MGA: variants seen among roughly 807,000 people sequenced by gnomAD.
The protein encoded by MGA is MAX gene-associated protein.
Under a neutral mutation model 261.1 loss-of-function variants are expected in MGA, and 40 were observed. The observed-to-expected ratio is 0.15, with a 90% confidence interval of 0.12 to 0.20. The LOEUF (loss-of-function observed/expected upper bound fraction) is 0.20, where lower values mean the gene tolerates loss of function less well. MGA is among the 10% of genes least tolerant of loss of function. The pLI is 1.00. For synonymous variants in MGA, 1,302 were observed against 1,290.6 expected (o/e 1.01, Z -0.19); for missense variants, 3,397 against 3,630.5 (o/e 0.94, Z 1.65).
chr15:41,703,726 A>G (rs1447582443), intron 5 of MGA, among the ~76,000 whole-genome samples: 1 of 152,132 alleles, frequency 6.6e-6, no homozygotes, highest in Non-Finnish European at 1.5e-5. Flanking sequence ...TGGGCAACAG[A>G]GCGAGACTGT....
At chr15:41,753,534 T>G (rs1256345039) in intron 17 of MGA, among the ~76,000 whole-genome samples, 1 of 152,316 alleles carries the variant, frequency 6.6e-6, no homozygotes, top group East Asian at 1.9e-4. Flanking sequence ...GTAAACACTT[T>G]GACTCCTTTT....
At chr15:41,731,871 C>T (rs1340062499) in intron 11 of MGA, among the ~76,000 whole-genome samples, 1 of 152,158 alleles carries the variant, frequency 6.6e-6, no homozygotes, top group East Asian at 1.9e-4. Flanking sequence ...GGTTTCTTGT[C>T]TTACTGCCAC....
At chr15:41,751,273 A>T (rs543052902) in intron 17 of MGA, 1 of 152,262 alleles carries the variant, frequency 6.6e-6, no homozygotes, top group African/African-American at 2.4e-5. Context: ...TTAAATAAGT[A>T]ACTGTCAGGT....
intron 1 of MGA, among the ~76,000 whole-genome samples, chr15:41,654,214 C>T (rs2057122091): frequency 1.3e-5 from 2 of 151,990 alleles, no homozygotes; most frequent in Non-Finnish European, 2.9e-5. Context: ...GGCTGCTGTA[C>T]GGCTGATCAG....
At chr15:41,691,055 G>T (rs2059258942) in intron 2 of MGA, among the ~76,000 whole-genome samples, 1 of 78,252 alleles carries the variant, frequency 1.3e-5, no homozygotes, top group African/African-American at 5.1e-5. Context: ...GGGTCAGTTT[G>T]TCCCTTTCTG....
Position 41,768,633 on chromosome 15 carries a change from T to C in MGA, c.*1353T>C, listed in dbSNP as rs1219262395. ...TAATTATATTTTGGAATGTAACCCC[T>C]GTTCTGTCTTCATTGACAGGATTTG... On this transcript the variant is annotated 3_prime_UTR_variant, in exon 24 of 24. Coordinates refer to ENST00000219905, the MANE Select transcript of MGA (RefSeq NM_001164273.2). 1 of 152,644 alleles carries C rather than the reference T, an allele frequency of 6.6e-6. No individual in the cohort carries two copies. The highest frequency in any genetic ancestry group is 1.5e-5 in the Non-Finnish European group (1 of 68,034). The allele number at this position is 152,644 out of a possible 1,614,324, so 9.5% of individuals were successfully genotyped here.
At position 41,726,278 on chromosome 15, in the gene MGA, C is replaced by T. The variant is rs545768195; in HGVS notation, c.3431-902C>T. Among the ~76,000 whole-genome samples the T allele has an allele frequency of 2.0e-5, 3 of 152,294 alleles. No homozygotes were observed. The South Asian group carries it at 6.2e-4, about 32-fold the overall frequency. On this transcript the variant is annotated intron_variant, in intron 9 of 23. Transcript: ENST00000219905. ...CTGGTTGGACATCCCTGCACCTCAG[C>T]TTCTGTACCATGGGAATGATACCTA...
At chr15:41,763,668 G>T (rs566526929) in intron 22 of MGA, among the ~76,000 whole-genome samples, 3 of 151,766 alleles carry the variant, frequency 2.0e-5, no homozygotes, top group Non-Finnish European at 4.4e-5. Context: ...ACTTTAACCC[G>T]GAAGGTGGAA....
chr15:41,645,517 G>T (rs1239800023), intron 1 of MGA, among the ~76,000 whole-genome samples: 1 of 152,224 alleles, frequency 6.6e-6, no homozygotes, highest in Non-Finnish European at 1.5e-5. Context: ...CTGGGAGGTG[G>T]AGGTTGCAGT....
chr15:41,631,883 TG>T (rs1165936448), intron 1 of MGA, among the ~76,000 whole-genome samples: 6 of 152,198 alleles, frequency 3.9e-5, no homozygotes, highest in Non-Finnish European at 8.8e-5. Context: ...TATGCTTCTA[TG>T]TTTCTTTTTT....
chr15:41,742,998 G>T lies in MGA; in HGVS notation c.5038G>T (p.Val1680Leu), dbSNP rs963370391. 4 of 1,613,820 alleles carry T rather than the reference G, an allele frequency of 2.5e-6. No homozygotes were observed. Among genetic ancestry groups the T allele is most frequent in the Non-Finnish European group, 3.4e-6 (4 of 1,179,898 alleles). ...TTCAGTTGCTTTTCCTAAGTCTTTG[G>T]TAGCATCTCCTTCAACCATAACTCT... Residue 1680 changes from valine (V) to leucine (L), a missense_variant, in exon 15 of 24, where the codon GTA becomes TTA. Physicochemically the swap from Val to Leu is conservative, Grantham distance 32. This residue lies in a region of MGA where 1,410 missense variants were observed against 1,386.4 expected (regional missense o/e 1.02). Coordinates refer to ENST00000219905, the MANE Select transcript of MGA (RefSeq NM_001164273.2).
chr15:41,728,360 G>A (rs1364445517), intron 10 of MGA, among the ~76,000 whole-genome samples: 1 of 151,954 alleles, frequency 6.6e-6, no homozygotes, highest in Non-Finnish European at 1.5e-5. Context: ...CCTGAAAAAG[G>A]CAAGGGTTAG....
In MGA at chr15:41,707,857, C is replaced by T; in HGVS notation, c.2318C>T (p.Pro773Leu). The change falls in exon 6 of 24, where the codon CCT becomes CTT. Residue 773 changes from proline (P) to leucine (L), a missense_variant and splice_region_variant. Coordinates refer to ENST00000219905, the MANE Select transcript of MGA (RefSeq NM_001164273.2). ...CTTACAGGAACCAACCCTGCCTCTC[C>T]TGGTGAGTATGTAACATTTGTAAAG... 2 of 1,609,512 alleles carry T rather than the reference C, an allele frequency of 1.2e-6. No individual in the cohort carries two copies. Among genetic ancestry groups the T allele is most frequent in the East Asian group, 4.5e-5 (2 of 44,856 alleles).
intron 9 of MGA, among the ~76,000 whole-genome samples, chr15:41,715,674 A>G (rs2060596550): frequency 6.6e-6 from 1 of 152,172 alleles, no homozygotes; most frequent in African/African-American, 2.4e-5. Context: ...ATTAAAATAT[A>G]TTAATGACTG....
At chr15:41,693,397 G>C (rs2059393713) in intron 2 of MGA, among the ~76,000 whole-genome samples, 1 of 146,210 alleles carries the variant, frequency 6.8e-6, no homozygotes, top group African/African-American at 2.5e-5. Context: ...CTATGAGTGA[G>C]AATATGCGGT....
intron 2 of MGA, among the ~76,000 whole-genome samples, chr15:41,693,283 T>TAGA (rs2059386267): frequency 6.6e-6 from 1 of 150,906 alleles, no homozygotes; most frequent in African/African-American, 2.4e-5. Context: ...GCATTAGGTA[T>TAGA]ATCTCCCAAT....
intron 19 of MGA, among the ~76,000 whole-genome samples, chr15:41,759,772 G>A (rs2063350321): frequency 6.6e-6 from 1 of 152,044 alleles, no homozygotes; most frequent in Non-Finnish European, 1.5e-5. Context: ...ATGTTATGGG[G>A]GTTTAGGTAA....
rs1358068423 is a variant in MGA at position 41,748,687 on chromosome 15, G to A, written c.5263G>A (p.Val1755Met). 6.2e-7 allele frequency: 1 copy of A among 1,613,824 alleles called. No homozygotes were observed. The highest frequency in any genetic ancestry group is 8.5e-7 in the Non-Finnish European group (1 of 1,179,892). Residue 1755 changes from valine (V) to methionine (M), a missense_variant, in exon 16 of 24, where the codon GTG becomes ATG. Around this residue, in one of 9 missense-constraint regions of MGA, gnomAD observed 1,410 missense variants for 1,386.4 expected, o/e 1.02. Transcript: ENST00000219905. The stretch of plus-strand genomic sequence containing the variant: ...TACTCCACAGGTCTCTCCTAACACA[G>A]TGAAACGTGCTGGACCTCGATTGTT...
rs1355427855 is a variant in MGA, at chr15:41,750,247, G to T, written c.6640G>T (p.Val2214Leu). 3 of 1,613,944 alleles carry T rather than the reference G, an allele frequency of 1.9e-6. No individual in the cohort carries two copies. Among genetic ancestry groups the T allele is most frequent in the Non-Finnish European group, 1.7e-6 (2 of 1,179,888 alleles). The change falls in exon 17 of 24, where the codon GTG becomes TTG. Residue 2214 changes from valine (V) to leucine (L), a missense_variant. Val to Leu is a conservative substitution (Grantham distance 32). Coordinates refer to ENST00000219905, the MANE Select transcript of MGA (RefSeq NM_001164273.2). The stretch of plus-strand genomic sequence containing the variant: ...AAAGACATGTCAGGAAAATTCAGAT[G>T]TGTTTCAGCAAGAACAAGGCATCTC...
Sources: allele counts gnomAD v4.1 joint callset (sites outside exome capture counted in the v4.1 genomes callset), GRCh38; gene constraint gnomAD v4.1.1; regional missense constraint gnomAD v4.1.1; transcripts MANE v1.5; gene names NCBI Gene and HGNC (gene_info 2026-07-23, HGNC 2026-07-21).